The following MBP variants were observed in gnomAD, a reference collection of about 807,000 sequenced individuals.
MBP encodes Golli-MBP.
A neutral mutation model predicts 35.8 loss-of-function variants in MBP; 16 were observed. That is an observed-to-expected ratio of 0.45 (90% CI 0.30 to 0.68). The LOEUF is 0.68. Among genes scored for constraint, MBP ranks in the 30% least tolerant of loss-of-function variants. MBP has a pLI of 0.08. For missense variants in MBP, 380 were observed against 404.7 expected (o/e 0.94, Z 0.52); for synonymous variants, 143 against 159.6 (o/e 0.90, Z 0.78).
intron 2 of MBP, among the ~76,000 whole-genome samples, chr18:77,088,146 G>C (rs972305346): frequency 3.3e-5 from 5 of 152,260 alleles, no homozygotes; most frequent in Admixed American, 2.0e-4. Context: ...TCGAGTGCTG[G>C]GGCCTCAATA....
At chr18:77,079,277 T>A (rs1457505375) in intron 2 of MBP, among the ~76,000 whole-genome samples, 1 of 152,190 alleles carries the variant, frequency 6.6e-6, no homozygotes, top group Non-Finnish European at 1.5e-5. Context: ...TTAACCCTGA[T>A]GGGCAGATGG....
Position 77,102,041 on chromosome 18 carries a change from G to A in MBP, c.51+3170C>T, listed in dbSNP as rs956583388. ...CCTTGATATAGGAGGGGAAGAAGTC[G>A]GATGATAAACAAATCACCAGGATCT... On this transcript the variant is annotated intron_variant, in intron 2 of 8. Transcript: ENST00000355994. The surrounding 1 kb of genome is among the most constrained non-coding windows in gnomAD (Gnocchi z 4.4). Among the ~76,000 whole-genome samples the A allele has an allele frequency of 8.5e-5, 13 of 152,146 alleles. No homozygotes were observed. Among genetic ancestry groups the A allele is most frequent in the African/African-American group, 3.1e-4 (13 of 41,426 alleles).
At chr18:76,987,018 G>A (rs1357468225) in intron 7 of MBP, 12 of 985,286 alleles carry the variant, frequency 1.2e-5, no homozygotes, top group Non-Finnish European at 1.4e-5. Flanking sequence ...ATGCAGAGAA[G>A]GATTTTGCTT....
At chr18:77,069,618 G>A (rs1030917037) in intron 2 of MBP, among the ~76,000 whole-genome samples, 16 of 152,210 alleles carry the variant, frequency 1.1e-4, no homozygotes, top group African/African-American at 3.9e-4. Flanking sequence ...GATGCAGAGT[G>A]AAAGCTGATC....
At chr18:77,018,708 A>C (rs796702904) in intron 3 of MBP, among the ~76,000 whole-genome samples, 16 of 95,458 alleles carry the variant, frequency 1.7e-4, no homozygotes, top group South Asian at 3.2e-4. Flanking sequence ...ATCCACTCAT[A>C]CATCCATTCA....
intron 2 of MBP, among the ~76,000 whole-genome samples, chr18:77,080,429 G>C (rs574099): frequency 0.25 from 38,212 of 152,158 alleles, 5,366 homozygotes; most frequent in African/African-American, 0.38. Flanking sequence ...GTGGATGATT[G>C]TTTGTTGTGA....
At position 77,132,345 on chromosome 18, in the gene MBP, G is replaced by A. The variant is rs1298490803; in HGVS notation, c.-26+235C>T. 4.6e-5 allele frequency among the ~76,000 whole-genome samples: 7 copies of A among 152,150 alleles called. No individual in the cohort carries two copies. In the South Asian group the frequency reaches 1.2e-3, roughly 27 times the overall value. ...GACTTGGGTTCGGGTCAGGGAGGCC[G>A]CCGGCTGCTACCTGCTCGGCCACCT... On this transcript the variant is annotated intron_variant, in intron 1 of 8. Coordinates refer to ENST00000355994, the MANE Select transcript of MBP (RefSeq NM_001025101.2).
At chr18:77,026,659 A>C (rs1262028689) in intron 3 of MBP, among the ~76,000 whole-genome samples, 1 of 152,116 alleles carries the variant, frequency 6.6e-6, no homozygotes. Flanking sequence ...TCAGGCTGGA[A>C]GTTTGAGACA....
chr18:77,052,292 G>C (rs1189140452), intron 3 of MBP, among the ~76,000 whole-genome samples: 1 of 152,210 alleles, frequency 6.6e-6, no homozygotes. Flanking sequence ...GGGGATCCAA[G>C]ACCCAACAGA....
At chr18:77,082,783 C>T (rs1299033274) in intron 2 of MBP, among the ~76,000 whole-genome samples, 2 of 125,548 alleles carry the variant, frequency 1.6e-5, no homozygotes, top group African/African-American at 2.9e-5. Context: ...GTCTGGGGGA[C>T]GCCATGTGGC....
At position 77,130,038 on chromosome 18, in the gene MBP, G is replaced by T. The variant is rs1486643700; in HGVS notation, c.-26+2542C>A. On this transcript the variant is annotated intron_variant, in intron 1 of 8. Transcript: ENST00000355994. ...CACTCCAGCCTGGGTGACAGAGCAAGACTCTGTCAAAAAAAAAAAAAAGAA... is the reference window on the plus strand; with the variant it reads ...CACTCCAGCCTGGGTGACAGAGCAATACTCTGTCAAAAAAAAAAAAAAGAA... 1.2e-4 allele frequency among the ~76,000 whole-genome samples: 14 copies of T among 121,538 alleles called. No individual in the cohort carries two copies. The East Asian group carries it at 1.8e-3, about 15-fold the overall frequency. The allele number at this position is 121,538 out of a possible 152,430, so 79.7% of individuals were successfully genotyped here. A position where few individuals can be genotyped will look rare whatever the true frequency, so the allele number is the denominator to read the frequency against.
At chr18:76,980,900 CT>C (rs1969156949) in intron 8 of MBP, 1 of 181,356 alleles carries the variant, frequency 5.5e-6, no homozygotes, top group Non-Finnish European at 1.2e-5. Context: ...TAGCACACCC[CT>C]TGCTACACGC....
At chr18:76,990,992 C>A in intron 4 of MBP, 1 of 222,842 alleles carries the variant, frequency 4.5e-6, no homozygotes, top group South Asian at 3.9e-5. Context: ...TCAGGTTGGG[C>A]AAAGCACTGA....
In MBP at chr18:77,020,154, C is replaced by T. The variant is rs149003867; in HGVS notation, c.140-2886G>A. On this transcript the variant is annotated intron_variant, in intron 3 of 8. Transcript: ENST00000355994. The surrounding 1 kb of genome is among the most constrained non-coding windows in gnomAD (Gnocchi z 4.1). ...GATGGAGATGGTGGTACCCAGAGGC[C>T]GGGGGCACCTTGGCTTCCATCCTGA... Among the ~76,000 whole-genome samples the T allele has an allele frequency of 5.9e-5, 9 of 151,968 alleles. No individual in the cohort carries two copies. Among genetic ancestry groups the T allele is most frequent in the South Asian group, 4.2e-4 (2 of 4,798 alleles).
intron 2 of MBP, among the ~76,000 whole-genome samples, chr18:77,079,898 A>G (rs1312832438): frequency 6.6e-6 from 1 of 152,226 alleles, no homozygotes; most frequent in Non-Finnish European, 1.5e-5. Flanking sequence ...AGCACCTTAC[A>G]GCAACCGGTA....
intron 2 of MBP, among the ~76,000 whole-genome samples, chr18:77,073,936 C>T (rs756622603): frequency 2.7e-5 from 4 of 149,228 alleles, no homozygotes; most frequent in African/African-American, 4.8e-5. Context: ...TTATCGGAAA[C>T]GAAATGAGAT....
At chr18:76,998,673 C>T (rs2123261942) in intron 4 of MBP, among the ~76,000 whole-genome samples, 1 of 152,258 alleles carries the variant, frequency 6.6e-6, no homozygotes, top group South Asian at 2.1e-4. Context: ...TGAAGGTCGA[C>T]GTGCATTTAC....
At chr18:77,055,714 T>C (rs553499520) in intron 3 of MBP, among the ~76,000 whole-genome samples, 1 of 152,280 alleles carries the variant, frequency 6.6e-6, no homozygotes, top group Admixed American at 6.5e-5. Flanking sequence ...TTGGCCTCTG[T>C]TTTGTTTTCA....
At chr18:77,022,032 G>A (rs1022896457) in intron 3 of MBP, among the ~76,000 whole-genome samples, 4 of 152,130 alleles carry the variant, frequency 2.6e-5, no homozygotes, top group African/African-American at 9.7e-5. Context: ...GCTGATAGTC[G>A]TGGATGTTTG....
Sources: gnomAD v4.1 joint callset for allele counts (sites outside exome capture counted in the v4.1 genomes callset) on GRCh38, gnomAD v4.1.1 for gene constraint, Gnocchi (gnomAD v3.1) non-coding constraint, MANE v1.5 for transcripts, NCBI Gene and HGNC (gene_info 2026-07-23, HGNC 2026-07-21) for gene names.